The following KIF2A variants were observed in gnomAD, a reference collection of about 807,000 sequenced individuals.
KIF2A encodes kinesin-like protein KIF2A.
In KIF2A, 22 loss-of-function variants were observed where a neutral mutation model predicts 100.2. The ratio of observed to expected loss-of-function variants is 0.22; its 90% CI spans 0.16 to 0.31. The LOEUF is 0.31. KIF2A is among the 10% of genes least tolerant of loss of function. The probability of loss-of-function intolerance (pLI) is 1.00; values close to 1 mark genes in which losing one functional copy is unlikely to be tolerated. For synonymous variants in KIF2A, 268 were observed against 285.9 expected, an observed-to-expected ratio of 0.94 and a Z score of 0.63; for missense variants, 495 against 898.7, an observed-to-expected ratio of 0.55 and a Z score of 5.74.
In KIF2A at chr5:62,381,234, C is replaced by G. The variant is rs756478314; in HGVS notation, c.2130C>G (p.Asp710Glu). ...QLEAILEQKIDILTELRDKVK... is the reference protein window; with the variant it reads ...QLEAILEQKIEILTELRDKVK... ...AAGCTATTCTTGAGCAAAAAATAGA[C>G]ATTTTAACTGAACTGCGGGGTAATT... The change falls in exon 20 of 21, where the codon GAC becomes GAG. Residue 710 changes from aspartate (D) to glutamate (E), a missense_variant. Around this residue, in one of 10 missense-constraint regions of KIF2A, gnomAD observed 58 missense variants for 94.8 expected, o/e 0.61. Coordinates refer to ENST00000407818, the MANE Select transcript of KIF2A (RefSeq NM_001098511.3). 2 of 1,612,070 alleles carry G rather than the reference C, an allele frequency of 1.2e-6. No individual in the cohort carries two copies. The highest frequency in any genetic ancestry group is 8.5e-7 in the Non-Finnish European group (1 of 1,178,356).
rs1742264629 is a variant in KIF2A, at chr5:62,390,652, C to T, written c.*5083C>T. 6.6e-6 allele frequency among the ~76,000 whole-genome samples: 1 copy of T among 152,174 alleles called. No homozygotes were observed. The highest frequency in any genetic ancestry group is 2.4e-5 in the African/African-American group (1 of 41,446). On this transcript the variant is annotated 3_prime_UTR_variant, in exon 21 of 21. Transcript: ENST00000407818. ...ACCACATTAACACAAAGGCAATCTT[C>T]TGGCTCGGACTGTTCTTTACTACTG...
intron 1 of KIF2A, among the ~76,000 whole-genome samples, chr5:62,314,578 T>G (rs1183672897): frequency 6.6e-6 from 1 of 152,252 alleles, no homozygotes; most frequent in Non-Finnish European, 1.5e-5. Context: ...GCCCGGGAAC[T>G]GTAAGAATCA....
chr5:62,321,777 T>C (rs1228244646), intron 1 of KIF2A, among the ~76,000 whole-genome samples: 1 of 152,126 alleles, frequency 6.6e-6, no homozygotes, highest in Non-Finnish European at 1.5e-5. Context: ...TAGGCTGGTC[T>C]CATACTTGTG....
intron 1 of KIF2A, among the ~76,000 whole-genome samples, chr5:62,332,081 T>C (rs576960635): frequency 6.6e-6 from 1 of 152,214 alleles, no homozygotes; most frequent in Non-Finnish European, 1.5e-5. Context: ...TGGCATTTCT[T>C]AGCCTCACAG....
chr5:62,357,461 G>A (rs1415559075), intron 7 of KIF2A, among the ~76,000 whole-genome samples: 5 of 152,024 alleles, frequency 3.3e-5, no homozygotes, highest in Non-Finnish European at 7.4e-5. Flanking sequence ...CTAAAGTGAT[G>A]GTTTTCCAAA....
At chr5:62,342,252 G>A (rs1205115532) in intron 1 of KIF2A, among the ~76,000 whole-genome samples, 1 of 152,146 alleles carries the variant, frequency 6.6e-6, no homozygotes, top group African/African-American at 2.4e-5. Context: ...TTGATGCGGG[G>A]CTTGATGCAG....
chr5:62,339,693 A>G (rs1320605322), intron 1 of KIF2A, among the ~76,000 whole-genome samples: 2 of 151,160 alleles, frequency 1.3e-5, no homozygotes, highest in African/African-American at 2.4e-5. Context: ...ATGAAATACT[A>G]TATTGTAGTG....
chr5:62,319,229 G>A (rs1401072355), intron 1 of KIF2A, among the ~76,000 whole-genome samples: 3 of 152,128 alleles, frequency 2.0e-5, no homozygotes, highest in Non-Finnish European at 4.4e-5. Flanking sequence ...CTGTTTCAGA[G>A]TAACCTTTCA....
chr5:62,358,083 TGAACTC>T, intron 8 of KIF2A, 48 bp from the exon 9 acceptor site: 1 of 1,300,392 alleles, frequency 7.7e-7, no homozygotes, highest in East Asian at 2.5e-5. Flanking sequence ...ATTTTGTACA[TGAACTC>T]AAATGCTGTG....
chr5:62,323,999 G>A (rs970771378), intron 1 of KIF2A, among the ~76,000 whole-genome samples: 1 of 151,342 alleles, frequency 6.6e-6, no homozygotes, highest in East Asian at 2.0e-4. Context: ...ATGCAACTGC[G>A]CTCCAGCCTG....
At chr5:62,339,908 C>T (rs1413280825) in intron 1 of KIF2A, among the ~76,000 whole-genome samples, 1 of 149,654 alleles carries the variant, frequency 6.7e-6, no homozygotes, top group Non-Finnish European at 1.5e-5. Flanking sequence ...ATATGATTAT[C>T]TCAAATATCT....
chr5:62,367,285 G>T (rs1004206684), intron 16 of KIF2A, among the ~76,000 whole-genome samples: 2 of 150,248 alleles, frequency 1.3e-5, no homozygotes, highest in African/African-American at 4.9e-5. Flanking sequence ...GTTTTTTTTT[G>T]AGACAGAGTC....
At position 62,355,273 on chromosome 5, in the gene KIF2A, C is replaced by T; in HGVS notation, c.654+19C>T. On this transcript the variant is annotated intron_variant, in intron 7 of 20. Transcript: ENST00000407818. ...AGATCCTGTAAGATTCTTTGTAAACCATTATTCTGGAACTTTTTATGCTTC... is the reference window on the plus strand; with the variant it reads ...AGATCCTGTAAGATTCTTTGTAAACTATTATTCTGGAACTTTTTATGCTTC... 1 of 1,256,918 alleles carries T rather than the reference C, an allele frequency of 8.0e-7. No homozygotes were observed. Among genetic ancestry groups the T allele is most frequent in the Non-Finnish European group, 1.1e-6 (1 of 870,864 alleles). The allele number at this position is 1,256,918 out of a possible 1,614,324, so 77.9% of individuals were successfully genotyped here.
intron 1 of KIF2A, among the ~76,000 whole-genome samples, chr5:62,329,137 A>G (rs891093112): frequency 6.6e-6 from 1 of 152,178 alleles, no homozygotes; most frequent in African/African-American, 2.4e-5. Context: ...CCTTGTTCCA[A>G]ACTTTCAGGT....
intron 2 of KIF2A, among the ~76,000 whole-genome samples, chr5:62,347,716 C>T (rs1291409880): frequency 6.6e-6 from 1 of 151,932 alleles, no homozygotes; most frequent in Non-Finnish European, 1.5e-5. Flanking sequence ...GCCTTGACCT[C>T]CTGGGCTCAA....
Position 62,377,672 on chromosome 5 carries a change from C to A in KIF2A, c.1923C>A (p.Val641=), listed in dbSNP as rs1381133388. The A allele has an allele frequency of 3.9e-6, 6 of 1,520,220 alleles. No homozygotes were observed. Among genetic ancestry groups the A allele is most frequent in the Admixed American group, 2.0e-5 (1 of 50,346 alleles). The allele number at this position is 1,520,220 out of a possible 1,614,324, so 94.2% of individuals were successfully genotyped here. A position where few individuals can be genotyped will look rare whatever the true frequency, so the allele number is the denominator to read the frequency against. ...KLLCEQNEEE[V]SPQLFTFHEA... is the part of the protein sequence containing the mutation. ...ATTTTTATTTTAAGGAAGAAGAAGT[C>A]TCTCCACAGTTGTTTACTTTCCACG... Residue 641 remains valine (V), a synonymous_variant, in exon 19 of 21, where the codon GTC becomes GTA. Transcript: ENST00000407818.
chr5:62,384,913 C>G (rs1288348650), intron 20 of KIF2A, among the ~76,000 whole-genome samples: 1 of 152,138 alleles, frequency 6.6e-6, no homozygotes, highest in Non-Finnish European at 1.5e-5. Flanking sequence ...GAGGCCAAGG[C>G]GGGCAGATCA....
At chr5:62,307,117 C>A (rs988951008) in intron 1 of KIF2A, 2 of 64,352 alleles carry the variant, frequency 3.1e-5, no homozygotes, top group African/African-American at 1.3e-4. Context: ...ATGCTGCTTT[C>A]TTTTTTGCCA....
intron 1 of KIF2A, among the ~76,000 whole-genome samples, chr5:62,344,877 A>G (rs1042920043): frequency 3.3e-5 from 5 of 152,226 alleles, no homozygotes; most frequent in Admixed American, 2.0e-4. Context: ...AGTACTTAAC[A>G]TCCTCACTAT....
Sources: gnomAD v4.1 joint callset for allele counts (sites outside exome capture counted in the v4.1 genomes callset) on GRCh38, gnomAD v4.1.1 for gene constraint, gnomAD v4.1.1 regional missense constraint, MANE v1.5 for transcripts, NCBI Gene and HGNC (gene_info 2026-07-23, HGNC 2026-07-21) for gene names.